The following WNT3 variants were observed in gnomAD, a reference collection of about 807,000 sequenced individuals.
The protein encoded by WNT3 is Wnt family member 3.
WNT3 carries 7 observed loss-of-function variants against 34.2 expected under a neutral mutation model. That is an observed-to-expected ratio of 0.20 (90% CI 0.12 to 0.38). The LOEUF (loss-of-function observed/expected upper bound fraction) is 0.38. Ranked by LOEUF, WNT3 falls within the 10% of genes least tolerant of loss-of-function variation. The probability of loss-of-function intolerance (pLI) is 1.00; values close to 1 mark genes in which losing one functional copy is unlikely to be tolerated. For synonymous variants in WNT3, 212 were observed against 211.5 expected, an observed-to-expected ratio of 1.00 and a Z score of -0.02; for missense variants, 267 against 499.8, an observed-to-expected ratio of 0.53 and a Z score of 4.44.
At chr17:46,785,480 C>A (rs1459210512) in intron 1 of WNT3, among the ~76,000 whole-genome samples, 4 of 152,258 alleles carry the variant, frequency 2.6e-5, no homozygotes, top group African/African-American at 7.2e-5. Context: ...TCCTTCCCCT[C>A]CGACAGGAGC....
At chr17:46,794,415 C>A (rs1237855656) in intron 1 of WNT3, among the ~76,000 whole-genome samples, 2 of 152,146 alleles carry the variant, frequency 1.3e-5, no homozygotes, top group Non-Finnish European at 2.9e-5. Context: ...CCTGTCAGAG[C>A]TAGAAGGAGC....
Position 46,768,706 on chromosome 17 carries a change from G to A in WNT3, c.682C>T (p.Arg228Cys), listed in dbSNP as rs1253456656. 3 of 1,614,138 alleles carry A rather than the reference G, an allele frequency of 1.9e-6. No individual in the cohort carries two copies. Among genetic ancestry groups the A allele is most frequent in the South Asian group, 1.1e-5 (1 of 91,084 alleles). The part of the protein sequence containing the change: ...KTCWWAQPDF[R>C]AIGDFLKDKY... ...TCCTTGAGGAAGTCACCGATGGCAC[G>A]GAAGTCAGGCTGCGCCCACCAGCAG... The change falls in exon 4 of 5, where the codon CGT becomes TGT. Residue 228 changes from arginine to cysteine, a missense_variant. This residue lies in a region of WNT3 where 181 missense variants were observed against 391.3 expected (regional missense o/e 0.46). Coordinates refer to ENST00000225512, the MANE Select transcript of WNT3 (RefSeq NM_030753.5). The surrounding 1 kb of genome is among the most constrained non-coding windows in gnomAD (Gnocchi z 5.0).
chr17:46,793,228 C>G (rs561209777), intron 1 of WNT3, among the ~76,000 whole-genome samples: 1 of 128,256 alleles, frequency 7.8e-6, no homozygotes, highest in Non-Finnish European at 1.6e-5. Flanking sequence ...GAGCCAAGAT[C>G]GAGCCATTTT....
In WNT3 at chr17:46,768,633, G is replaced by T; in HGVS notation, c.755C>A (p.Ser252Tyr). ...SEMVVEKHRESRGWVETLRAK... is the reference protein window; with the variant it reads ...SEMVVEKHREYRGWVETLRAK... ...CCGGAGGGTCTCCACCCAGCCTCGGGACTCACGGTGCTTCTCTACTACCAT... is the reference window on the plus strand; with the variant it reads ...CCGGAGGGTCTCCACCCAGCCTCGGTACTCACGGTGCTTCTCTACTACCAT... The change falls in exon 4 of 5, where the codon TCC (serine) becomes TAC (tyrosine). Residue 252 changes from serine to tyrosine, a missense_variant. Coordinates refer to ENST00000225512, the MANE Select transcript of WNT3 (RefSeq NM_030753.5). This position sits in a 1 kb window ranked among gnomAD's most constrained non-coding sequence, Gnocchi z 5.0. The T allele has an allele frequency of 6.2e-7, 1 of 1,614,140 alleles. No individual in the cohort carries two copies. Among genetic ancestry groups the T allele is most frequent in the Non-Finnish European group, 8.5e-7 (1 of 1,180,022 alleles).
At position 46,793,734 on chromosome 17, in the gene WNT3, T is replaced by A. The variant is rs77600051; in HGVS notation, c.81-19825A>T. On this transcript the variant is annotated intron_variant, in intron 1 of 4. Transcript: ENST00000225512. ...TTCCTGAGAGAGAGGCCAGGGTAGATGACACACGTTCCCAGCACCTTCCAA... is the reference window on the plus strand; with the variant it reads ...TTCCTGAGAGAGAGGCCAGGGTAGAAGACACACGTTCCCAGCACCTTCCAA... 6.4e-3 allele frequency among the ~76,000 whole-genome samples: 978 copies of A among 152,296 alleles called. 29 individuals carry two copies. Among genetic ancestry groups the A allele is most frequent in the East Asian group, 0.053 (273 of 5,174 alleles).
At chr17:46,775,982 C>T (rs2059409270) in intron 1 of WNT3, among the ~76,000 whole-genome samples, 1 of 152,180 alleles carries the variant, frequency 6.6e-6, no homozygotes, top group South Asian at 2.1e-4. Flanking sequence ...TGAGCAGAGG[C>T]TTTTCCTTGG....
At chr17:46,817,377 C>G (rs565199013) in intron 1 of WNT3, among the ~76,000 whole-genome samples, 2 of 152,340 alleles carry the variant, frequency 1.3e-5, no homozygotes, top group Non-Finnish European at 2.9e-5. Context: ...CACCTCCCCC[C>G]GCCCAGGCCA....
In WNT3 at chr17:46,768,268, T is replaced by G. The variant is rs1051419801; in HGVS notation, c.*8+44A>C. ...GAGATGGGCAAACAACCCCATTCCCTGCGCCCAGGCTCCCAGCCTCCCCCC... is the reference window on the plus strand; with the variant it reads ...GAGATGGGCAAACAACCCCATTCCCGGCGCCCAGGCTCCCAGCCTCCCCCC... On this transcript the variant is annotated intron_variant, in intron 4 of 4. Coordinates refer to ENST00000225512, the MANE Select transcript of WNT3 (RefSeq NM_030753.5). The surrounding 1 kb of genome is among the most constrained non-coding windows in gnomAD (Gnocchi z 5.0). 31 of 1,610,874 alleles carry G rather than the reference T, an allele frequency of 1.9e-5. No homozygotes were observed. Among genetic ancestry groups the G allele is most frequent in the Non-Finnish European group, 2.5e-5 (30 of 1,179,830 alleles).
rs976849228 is a variant in WNT3, at chr17:46,773,675, G to C, written c.315C>G (p.Leu105=). ...DDSLAIFGPV[L]DKATRESAFV... is the part of the protein sequence containing the mutation. ...TCAGCCCCAAGGCAGTACCTTTGTC[G>C]AGGACGGGCCCAAAGATGGCCAGGC... Residue 105 remains leucine, a synonymous_variant, in exon 2 of 5, where the codon CTC becomes CTG. Transcript: ENST00000225512. The C allele has an allele frequency of 1.3e-6, 2 of 1,583,264 alleles. No homozygotes were observed. The highest frequency in any genetic ancestry group is 2.9e-5 in the African/African-American group (2 of 67,808).
rs2059331955 is a variant in WNT3, at chr17:46,768,242, C to T, written c.*8+70G>A. The T allele has an allele frequency of 4.4e-6, 7 of 1,601,970 alleles. No individual in the cohort carries two copies. The highest frequency in any genetic ancestry group is 6.0e-6 in the Non-Finnish European group (7 of 1,176,010). On this transcript the variant is annotated intron_variant, in intron 4 of 4. Coordinates refer to ENST00000225512, the MANE Select transcript of WNT3 (RefSeq NM_030753.5). The surrounding 1 kb of genome is among the most constrained non-coding windows in gnomAD (Gnocchi z 5.0). ...AAACAGAAGGGGGTCGTCAAGAAGACGAGATGGGCAAACAACCCCATTCCC... is the reference window on the plus strand; with the variant it reads ...AAACAGAAGGGGGTCGTCAAGAAGATGAGATGGGCAAACAACCCCATTCCC...
intron 1 of WNT3, among the ~76,000 whole-genome samples, chr17:46,793,822 A>ATAAACAT (rs1371773471): frequency 3.3e-5 from 5 of 152,148 alleles, no homozygotes; most frequent in Admixed American, 3.3e-4. Flanking sequence ...GAGAGTAGAG[A>ATAAACAT]TGCCGGCTCC....
chr17:46,802,488 G>A (rs1054686871), intron 1 of WNT3, among the ~76,000 whole-genome samples: 4 of 152,140 alleles, frequency 2.6e-5, no homozygotes, highest in South Asian at 2.1e-4. Context: ...GGCTGGTCTC[G>A]AACTCCTGAC....
At chr17:46,772,100 G>A (rs1250795143) in intron 2 of WNT3, among the ~76,000 whole-genome samples, 1 of 152,126 alleles carries the variant, frequency 6.6e-6, no homozygotes, top group Admixed American at 6.5e-5. Flanking sequence ...CTCGCCGGGG[G>A]CGGGGTGCAA....
At chr17:46,786,119 G>T (rs1268729518) in intron 1 of WNT3, among the ~76,000 whole-genome samples, 2 of 145,030 alleles carry the variant, frequency 1.4e-5, no homozygotes, top group African/African-American at 5.1e-5. Context: ...AAAAAGGGAG[G>T]AGGGTGCGAG....
At chr17:46,795,010 CA>C (rs1277558885) in intron 1 of WNT3, among the ~76,000 whole-genome samples, 3 of 152,074 alleles carry the variant, frequency 2.0e-5, no homozygotes, top group Non-Finnish European at 4.4e-5. Context: ...CTCGGCCTCC[CA>C]AAATACTGGG....
rs2059292800 is a variant in WNT3 at position 46,764,066 on chromosome 17, A to AC, written c.*563dup. On this transcript the variant is annotated 3_prime_UTR_variant, in exon 5 of 5. Transcript: ENST00000225512. ...AACAACTGCCACGGACCTTCCTACC[A>AC]CTTCATCCTAGCTAAACCTATGGCT... 1 of 152,186 alleles carries AC rather than the reference A, an allele frequency of 6.6e-6. No individual in the cohort carries two copies. Among genetic ancestry groups the AC allele is most frequent in the South Asian group, 2.1e-4 (1 of 4,828 alleles). 9.4% of individuals were successfully genotyped at this position (152,186 alleles called of 1,614,324 possible).
At chr17:46,795,497 C>T (rs780882736) in intron 1 of WNT3, among the ~76,000 whole-genome samples, 16 of 152,164 alleles carry the variant, frequency 1.1e-4, no homozygotes, top group East Asian at 1.9e-4. Flanking sequence ...CAGCCCCTGA[C>T]GCCCTGTCTA....
At chr17:46,766,607 C>A (rs1253500822) in intron 4 of WNT3, among the ~76,000 whole-genome samples, 1 of 152,116 alleles carries the variant, frequency 6.6e-6, no homozygotes, top group Non-Finnish European at 1.5e-5. Flanking sequence ...CTGTCCCCAC[C>A]AGGACAGAAC....
intron 1 of WNT3, among the ~76,000 whole-genome samples, chr17:46,781,379 C>T (rs550620970): frequency 3.5e-4 from 52 of 150,324 alleles, no homozygotes; most frequent in Non-Finnish European, 6.0e-4. Context: ...GGTAAAGACA[C>T]GCCAGCTTAG....
Sources: allele counts gnomAD v4.1 joint callset (sites outside exome capture counted in the v4.1 genomes callset), GRCh38; gene constraint gnomAD v4.1.1; regional missense constraint gnomAD v4.1.1; non-coding constraint Gnocchi (gnomAD v3.1); transcripts MANE v1.5; gene names NCBI Gene and HGNC (gene_info 2026-07-23, HGNC 2026-07-21).